CCDC3: variants seen among roughly 807,000 people sequenced by gnomAD.
CCDC3 encodes coiled-coil domain containing 3.
In CCDC3, 24 loss-of-function variants were observed where a neutral mutation model predicts 21.4. That is an observed-to-expected ratio of 1.12 (90% CI 0.81 to 1.58). The LOEUF (loss-of-function observed/expected upper bound fraction) is 1.58, where lower values mean the gene tolerates loss of function less well. Ranked by LOEUF, CCDC3 falls within the 40% of genes most tolerant of loss-of-function variation. The pLI is 0.00. For synonymous variants in CCDC3, 186 were observed against 166.0 expected (o/e 1.12, Z -0.93); for missense variants, 425 against 360.9 (o/e 1.18, Z -1.44).
At chr10:13,005,901 T>G (rs672808), upstream of CCDC3, among the ~76,000 whole-genome samples, 2 of 151,554 alleles carry the variant, frequency 1.3e-5, no homozygotes, top group Non-Finnish European at 2.9e-5. Flanking sequence ...AGGCTGAACA[T>G]ACATTCTCCC....
At chr10:12,937,514 G>A (rs745341841) in intron 2 of CCDC3, among the ~76,000 whole-genome samples, 74 of 152,222 alleles carry the variant, frequency 4.9e-4, no homozygotes, top group African/African-American at 1.6e-3. Context: ...CCAAGCTGGA[G>A]GGCAGGGGCG....
chr10:13,021,813 G>A (rs1364010146), intron 5 of CCDC3, among the ~76,000 whole-genome samples: 2 of 152,050 alleles, frequency 1.3e-5, no homozygotes, highest in African/African-American at 4.8e-5. Context: ...GCCCAGGCTG[G>A]AGTGCAGTGG....
intron 4 of CCDC3, among the ~76,000 whole-genome samples, chr10:13,054,949 G>A (rs1238330302): frequency 2.6e-5 from 4 of 152,204 alleles, no homozygotes; most frequent in Non-Finnish European, 2.9e-5. Flanking sequence ...TTACAGGCGT[G>A]AGCCACTGCA....
At chr10:12,910,208 T>C (rs966496712) in intron 2 of CCDC3, among the ~76,000 whole-genome samples, 2 of 152,206 alleles carry the variant, frequency 1.3e-5, no homozygotes, top group East Asian at 3.8e-4. Context: ...GAGCTGACTC[T>C]CCTTGGATTG....
At position 13,069,593 on chromosome 10, in the gene CCDC3, GC is replaced by G. The variant is rs138147919; in HGVS notation, c.-270+4274del. 9.4e-3 allele frequency among the ~76,000 whole-genome samples: 1,426 copies of G among 152,194 alleles called. 20 individuals carry two copies. Among genetic ancestry groups the G allele is most frequent in the African/African-American group, 0.032 (1,333 of 41,524 alleles). ...TCAAAATTGTCTTTCCTGATGCCTG[GC>G]TTTTTGGATGCTACAGAGGGCCCCT... On this transcript the variant is annotated intron_variant, in intron 4 of 6. Transcript: ENST00000378839.
chr10:12,940,843 G>A (rs961337355), intron 2 of CCDC3, among the ~76,000 whole-genome samples: 2 of 152,192 alleles, frequency 1.3e-5, no homozygotes, highest in African/African-American at 4.8e-5. Context: ...ATGCTGGGAA[G>A]GGGATCTGTG....
chr10:13,074,763 T>C (rs1302911340), intron 3 of CCDC3, among the ~76,000 whole-genome samples: 1 of 152,200 alleles, frequency 6.6e-6, no homozygotes, highest in Non-Finnish European at 1.5e-5. Flanking sequence ...GGTGCTGTTT[T>C]ACTCAGCTAT....
intron 2 of CCDC3, among the ~76,000 whole-genome samples, chr10:12,919,080 A>C (rs1834405422): frequency 6.6e-6 from 1 of 152,026 alleles, no homozygotes; most frequent in South Asian, 2.1e-4. Flanking sequence ...AACAAAAAAG[A>C]CACCAAGTTC....
upstream of CCDC3, among the ~76,000 whole-genome samples, chr10:13,005,870 T>C (rs959918897): frequency 1.6e-4 from 25 of 152,218 alleles, no homozygotes; most frequent in African/African-American, 6.0e-4. Context: ...ATGTGGCATA[T>C]GTTCCCTCCT....
chr10:13,059,003 C>A (rs986457673), intron 4 of CCDC3, among the ~76,000 whole-genome samples: 31 of 152,218 alleles, frequency 2.0e-4, no homozygotes, highest in African/African-American at 7.2e-4. Flanking sequence ...CAGAAAAAAA[C>A]AAAACACAGG....
rs1205573435 is a variant in CCDC3, at chr10:12,897,065, G to A, written c.*1351C>T. ...CAGTGCCTGCCATTTCCGGTACAGAGGACAGCATCACCAGGCCCTGCAGTG... is the reference window on the plus strand; with the variant it reads ...CAGTGCCTGCCATTTCCGGTACAGAAGACAGCATCACCAGGCCCTGCAGTG... On this transcript the variant is annotated 3_prime_UTR_variant, in exon 3 of 3. Transcript: ENST00000378825. 2.8e-5 allele frequency: 4 copies of A among 144,530 alleles called. No homozygotes were observed. Among genetic ancestry groups the A allele is most frequent in the African/African-American group, 5.2e-5 (2 of 38,646 alleles). 9.0% of individuals were successfully genotyped at this position (144,530 alleles called of 1,614,324 possible). A position where few individuals can be genotyped will look rare whatever the true frequency, so the allele number is the denominator to read the frequency against.
intron 2 of CCDC3, among the ~76,000 whole-genome samples, chr10:12,951,749 A>T (rs933073990): frequency 1.5e-5 from 2 of 135,902 alleles, no homozygotes; most frequent in African/African-American, 5.4e-5. Flanking sequence ...AGGTTGCAGT[A>T]AGCTGAGACT....
intron 2 of CCDC3, among the ~76,000 whole-genome samples, chr10:12,970,730 A>G (rs1835329284): frequency 6.6e-6 from 1 of 152,134 alleles, no homozygotes; most frequent in African/African-American, 2.4e-5. Context: ...TACCAAAAAT[A>G]CAAAACGTAG....
At chr10:12,941,363 C>G (rs1381240308) in intron 2 of CCDC3, among the ~76,000 whole-genome samples, 1 of 150,346 alleles carries the variant, frequency 6.7e-6, no homozygotes, top group Non-Finnish European at 1.5e-5. Context: ...GCTGCTCTGT[C>G]TATGGAGAAG....
At chr10:12,947,143 C>CTT (rs66542050) in intron 2 of CCDC3, among the ~76,000 whole-genome samples, 24 of 145,582 alleles carry the variant, frequency 1.6e-4, no homozygotes, top group South Asian at 4.4e-4. Context: ...CTTTTGCTCA[C>CTT]TTTTTTTTTT....
chr10:12,989,568 C>T (rs1049428946), intron 2 of CCDC3, among the ~76,000 whole-genome samples: 3 of 152,084 alleles, frequency 2.0e-5, no homozygotes, highest in African/African-American at 7.2e-5. Context: ...ATTACAGGCA[C>T]GTGCCACCAC....
chr10:13,079,337 G>A (rs1250425224), intron 3 of CCDC3, among the ~76,000 whole-genome samples: 1 of 152,186 alleles, frequency 6.6e-6, no homozygotes, highest in African/African-American at 2.4e-5. Context: ...CGGACTCTCA[G>A]CAACGCAGAA....
intron 2 of CCDC3, among the ~76,000 whole-genome samples, chr10:12,927,205 G>C (rs1254973490): frequency 3.9e-5 from 6 of 152,176 alleles, no homozygotes; most frequent in African/African-American, 1.4e-4. Flanking sequence ...ACTACTACAA[G>C]AATTCTAGCA....
At chr10:13,028,470 G>C (rs1836254059) in intron 5 of CCDC3, among the ~76,000 whole-genome samples, 1 of 152,004 alleles carries the variant, frequency 6.6e-6, no homozygotes, top group South Asian at 2.1e-4. Context: ...ATTTAGAAGA[G>C]GAGTGAACCA....
Sources: gnomAD v4.1 joint callset for allele counts (sites outside exome capture counted in the v4.1 genomes callset) on GRCh38, gnomAD v4.1.1 for gene constraint, MANE v1.5 for transcripts, NCBI Gene and HGNC (gene_info 2026-07-23, HGNC 2026-07-21) for gene names.